The following MGMT variants were observed in gnomAD, a reference collection of about 807,000 sequenced individuals.
MGMT encodes the protein methylated-DNA--protein-cysteine methyltransferase.
In MGMT, 14 loss-of-function variants were observed where a neutral mutation model predicts 15.9. That is an observed-to-expected ratio of 0.88 (90% CI 0.58 to 1.37). The LOEUF (loss-of-function observed/expected upper bound fraction) is 1.37, where lower values mean the gene tolerates loss of function less well. Ranked by LOEUF, MGMT falls within the 40% of genes most tolerant of loss-of-function variation. The probability of loss-of-function intolerance (pLI) is 0.00; values close to 1 mark genes in which losing one functional copy is unlikely to be tolerated. For synonymous variants in MGMT, 130 were observed against 118.2 expected (o/e 1.10, Z -0.65); for missense variants, 282 against 268.1 (o/e 1.05, Z -0.36).
chr10:129,653,639 T>G (rs573860343), intron 2 of MGMT, among the ~76,000 whole-genome samples: 1 of 152,340 alleles, frequency 6.6e-6, no homozygotes, highest in African/African-American at 2.4e-5. Context: ...TGGCCCACCC[T>G]ATGAGATGTC....
Position 129,487,551 on chromosome 10 carries a change from T to C in MGMT, c.-13+20255T>C, listed in dbSNP as rs1845421061. On this transcript the variant is annotated intron_variant, in intron 1 of 4. Coordinates refer to ENST00000651593, the MANE Select transcript of MGMT (RefSeq NM_002412.5). The stretch of plus-strand genomic sequence containing the variant: ...GTTGTCTGAATTTTGTTTTCCTTTT[T>C]TTTTGCTTCCCTCCGGAAGGGAATC... Among the ~76,000 whole-genome samples, 3 of 152,126 alleles carry C rather than the reference T, an allele frequency of 2.0e-5. No individual in the cohort carries two copies. In the South Asian group the frequency reaches 6.2e-4, roughly 32 times the overall value.
rs145361072 is a variant in MGMT, at chr10:129,743,502, G to C, written c.275-15700G>C. On this transcript the variant is annotated intron_variant, in intron 3 of 4. Transcript: ENST00000651593. ...GCCTCACCGGCCCACAGTTCTGACA[G>C]AGGTGTCTGTGTTTCACCAACTCAG... Among the ~76,000 whole-genome samples, 179 of 152,340 alleles carry C rather than the reference G, an allele frequency of 1.2e-3. No homozygotes were observed. The Middle Eastern group carries it at 0.014, about 12-fold the overall frequency.
At chr10:129,578,593 T>G (rs1846515748) in intron 2 of MGMT, among the ~76,000 whole-genome samples, 1 of 152,060 alleles carries the variant, frequency 6.6e-6, no homozygotes, top group Admixed American at 6.5e-5. Context: ...AATGACAAGT[T>G]AATGGGTGCA....
At chr10:129,701,266 T>C (rs1848096273) in intron 2 of MGMT, 1 of 152,030 alleles carries the variant, frequency 6.6e-6, no homozygotes, top group African/African-American at 2.4e-5. Flanking sequence ...TCCAGGGTGG[T>C]CAGGTAGCAT....
intron 3 of MGMT, among the ~76,000 whole-genome samples, chr10:129,736,184 G>A (rs1478836428): frequency 4.3e-5 from 6 of 141,088 alleles, no homozygotes; most frequent in Non-Finnish European, 9.2e-5. Context: ...CATTATTAAT[G>A]TGTGGGAGTC....
intron 1 of MGMT, among the ~76,000 whole-genome samples, chr10:129,514,240 T>TA (rs1423090678): frequency 5.3e-5 from 8 of 152,252 alleles, no homozygotes; most frequent in Admixed American, 5.2e-4. Context: ...ATGAGAGAGA[T>TA]ACAATTATAT....
intron 2 of MGMT, among the ~76,000 whole-genome samples, chr10:129,657,594 G>T (rs1847539025): frequency 6.6e-6 from 1 of 151,028 alleles, no homozygotes; most frequent in Non-Finnish European, 1.5e-5. Context: ...TTTTAAATGT[G>T]GTGACTGCTG....
chr10:129,549,734 A>G (rs1241728534), intron 2 of MGMT, among the ~76,000 whole-genome samples: 1 of 152,206 alleles, frequency 6.6e-6, no homozygotes, highest in Admixed American at 6.5e-5. Flanking sequence ...TTGGTGGTGA[A>G]TTTAAAAGAA....
At chr10:129,529,890 C>G (rs776280953) in intron 1 of MGMT, among the ~76,000 whole-genome samples, 44 of 148,076 alleles carry the variant, frequency 3.0e-4, no homozygotes, top group Non-Finnish European at 6.0e-4. Context: ...TCTCATTTTT[C>G]TTTTTCCTTT....
At chr10:129,764,575 G>A (rs1057010297) in intron 4 of MGMT, among the ~76,000 whole-genome samples, 2 of 152,274 alleles carry the variant, frequency 1.3e-5, no homozygotes, top group Non-Finnish European at 2.9e-5. Context: ...CACCTGACCA[G>A]TAGCTGGTTG....
intron 2 of MGMT, among the ~76,000 whole-genome samples, chr10:129,547,052 A>G (rs1846105257): frequency 1.3e-5 from 2 of 152,236 alleles, no homozygotes; most frequent in African/African-American, 4.8e-5. Context: ...TATCCTCCGC[A>G]GAAACACAGT....
chr10:129,759,434 G>A, intron 4 of MGMT, 93 bp downstream of exon 4: 1 of 1,576,976 alleles, frequency 6.3e-7, no homozygotes, highest in South Asian at 1.2e-5. Context: ...CGGAAGGCAG[G>A]CTGTGCTGCT....
chr10:129,670,277 T>A (rs1237448684), intron 2 of MGMT, among the ~76,000 whole-genome samples: 1 of 152,164 alleles, frequency 6.6e-6, no homozygotes, highest in Non-Finnish European at 1.5e-5. Flanking sequence ...CCTTTTTTGC[T>A]TCACACAATT....
intron 2 of MGMT, among the ~76,000 whole-genome samples, chr10:129,660,792 A>ACG (rs1847587986): frequency 6.6e-6 from 1 of 151,814 alleles, no homozygotes; most frequent in African/African-American, 2.4e-5. Context: ...ACACACACAC[A>ACG]CACACACGCA....
chr10:129,734,703 T>G (rs1026991816), intron 3 of MGMT, among the ~76,000 whole-genome samples: 5 of 152,150 alleles, frequency 3.3e-5, no homozygotes, highest in African/African-American at 9.7e-5. Context: ...GGGTTTGTCA[T>G]AGATAGCACT....
chr10:129,478,236 T>C (rs1219819254), intron 1 of MGMT, among the ~76,000 whole-genome samples: 1 of 144,814 alleles, frequency 6.9e-6, no homozygotes, highest in African/African-American at 2.9e-5. Flanking sequence ...TTGGTTGATT[T>C]TTTCCCCCCC....
At chr10:129,646,763 G>A (rs12241533) in intron 2 of MGMT, among the ~76,000 whole-genome samples, 38,149 of 107,424 alleles carry the variant, frequency 0.36, 8,966 homozygotes, top group African/African-American at 0.55. Context: ...TATTTTCAGG[G>A]AATGGTAGAG....
At chr10:129,720,095 A>G (rs942162290) in intron 3 of MGMT, among the ~76,000 whole-genome samples, 1 of 152,206 alleles carries the variant, frequency 6.6e-6, no homozygotes, top group Non-Finnish European at 1.5e-5. Context: ...TACGAGTTAC[A>G]GGAAGTGTGG....
intron 1 of MGMT, among the ~76,000 whole-genome samples, chr10:129,492,401 T>G (rs1382228230): frequency 6.6e-6 from 1 of 152,148 alleles, no homozygotes; most frequent in East Asian, 1.9e-4. Context: ...GGCCCTTCTC[T>G]CTCTGTCTTT....
Sources: gnomAD v4.1 joint callset for allele counts (sites outside exome capture counted in the v4.1 genomes callset) on GRCh38, gnomAD v4.1.1 for gene constraint, MANE v1.5 for transcripts, NCBI Gene and HGNC (gene_info 2026-07-23, HGNC 2026-07-21) for gene names.